The following APLP2 variants were observed in gnomAD, a reference collection of about 807,000 sequenced individuals.
The protein encoded by APLP2 is CDEI box-binding protein.
Under a neutral mutation model 89.9 loss-of-function variants are expected in APLP2, and 53 were observed. That is an observed-to-expected ratio of 0.59 (90% CI 0.47 to 0.74). The LOEUF (loss-of-function observed/expected upper bound fraction) is 0.74, where lower values mean the gene tolerates loss of function less well. Ranked by LOEUF, APLP2 falls within the 30% of genes least tolerant of loss-of-function variation. The pLI is 0.00. For synonymous variants in APLP2, 372 were observed against 348.6 expected, an observed-to-expected ratio of 1.07 and a Z score of -0.75; for missense variants, 973 against 975.9, an observed-to-expected ratio of 1.00 and a Z score of 0.04.
chr11:130,091,256 GC>G (rs1945071319), intron 1 of APLP2, among the ~76,000 whole-genome samples: 1 of 135,648 alleles, frequency 7.4e-6, no homozygotes, highest in Non-Finnish European at 1.6e-5. Flanking sequence ...GGGGCGGCTG[GC>G]CGGGCGGGGG....
At chr11:130,088,949 C>T (rs543489321) in intron 1 of APLP2, among the ~76,000 whole-genome samples, 1 of 152,188 alleles carries the variant, frequency 6.6e-6, no homozygotes, top group South Asian at 2.1e-4. Context: ...GAATGCCCAT[C>T]CTCTATTTTT....
intron 1 of APLP2, chr11:130,070,670 C>T (rs1021030252): frequency 4.5e-5 from 66 of 1,478,436 alleles, no homozygotes; most frequent in Non-Finnish European, 5.6e-5. Context: ...CCTCTGCCGC[C>T]TGGGGCCGGG....
chr11:130,132,619 T>TTTA (rs1555144886), intron 11 of APLP2, among the ~76,000 whole-genome samples: 8,499 of 137,570 alleles, frequency 0.062, 832 homozygotes, highest in African/African-American at 0.22. Context: ...TTTTTTTTTT[T>TTTA]AAATAATGAA....
intron 1 of APLP2, among the ~76,000 whole-genome samples, chr11:130,073,569 G>T (rs1236989484): frequency 6.6e-6 from 1 of 152,264 alleles, no homozygotes; most frequent in South Asian, 2.1e-4. Context: ...ATCACCAGGC[G>T]CGGTGGCTCA....
At chr11:130,072,243 T>C (rs189014475) in intron 1 of APLP2, among the ~76,000 whole-genome samples, 1 of 152,304 alleles carries the variant, frequency 6.6e-6, no homozygotes, top group African/African-American at 2.4e-5. Context: ...CCGCATACTG[T>C]GCAGTGGATG....
intron 10 of APLP2, 42 bp from the exon 11 acceptor site, chr11:130,129,996 T>G: frequency 1.3e-6 from 2 of 1,598,290 alleles, no homozygotes; most frequent in Non-Finnish European, 1.7e-6. Flanking sequence ...TATTTTCAAT[T>G]CTCTAGTCTC....
intron 3 of APLP2, among the ~76,000 whole-genome samples, chr11:130,119,444 G>C (rs914693912): frequency 1.3e-5 from 2 of 152,158 alleles, no homozygotes; most frequent in Non-Finnish European, 2.9e-5. Flanking sequence ...GGCCAAACAA[G>C]AGACGATGAT....
At chr11:130,070,459 CGCGGCTGGGCTTTCTCCAGGG>C (rs1940754049) in intron 1 of APLP2, 6 of 996,012 alleles carry the variant, frequency 6.0e-6, no homozygotes, top group Middle Eastern at 3.8e-4. Context: ...CGCCGGAGTC[CGCGGCTGGGCTTTCTCCAGGG>C]GCGGCCCCGC....
At chr11:130,080,797 C>T (rs1173596367) in intron 1 of APLP2, among the ~76,000 whole-genome samples, 2 of 150,266 alleles carry the variant, frequency 1.3e-5, no homozygotes, top group Non-Finnish European at 3.0e-5. Flanking sequence ...CCCGGGTTCA[C>T]GCCATTCTCC....
Position 130,123,677 on chromosome 11 carries a change from C to T in APLP2, c.988C>T (p.Leu330Phe). 1 of 1,614,286 alleles carries T rather than the reference C, an allele frequency of 6.2e-7. No individual in the cohort carries two copies. The highest frequency in any genetic ancestry group is 1.1e-5 in the South Asian group (1 of 91,092). Residue 330 changes from leucine to phenylalanine, a missense_variant, in exon 7 of 17, where the codon CTC (leucine) becomes TTC (phenylalanine). Physicochemically the swap from Leu to Phe is conservative, Grantham distance 22. Coordinates refer to ENST00000338167, the MANE Select transcript of APLP2 (RefSeq NM_001142276.2). This position sits in a 1 kb window ranked among gnomAD's most constrained non-coding sequence, Gnocchi z 4.0. Reference protein sequence around the residue: ...RAVMPRWYFDLSKGKCVRFIY... With the variant: ...RAVMPRWYFDFSKGKCVRFIY... The stretch of plus-strand genomic sequence containing the variant: ...CGTGATGCCTCGTTGGTACTTCGAC[C>T]TCTCCAAGGGAAAGTGCGTGCGCTT...
rs945106445 is a variant in APLP2, at chr11:130,077,562, C to T, written c.105+7480C>T. 2.0e-5 allele frequency among the ~76,000 whole-genome samples: 3 copies of T among 151,474 alleles called. No individual in the cohort carries two copies. In the South Asian group the frequency reaches 6.2e-4, roughly 32 times the overall value. ...AACATGTAAAACAGACCCTTATGTC[C>T]AGCCCCCAGTTTTGTTGAATCTTAA... is the stretch of plus-strand genomic sequence containing the variant. On this transcript the variant is annotated intron_variant, in intron 1 of 16. Coordinates refer to ENST00000338167, the MANE Select transcript of APLP2 (RefSeq NM_001142276.2).
chr11:130,070,116 C>T (rs767785252), intron 1 of APLP2, 34 bp downstream of exon 1: 1 of 1,304,082 alleles, frequency 7.7e-7, no homozygotes, highest in South Asian at 1.9e-5. Context: ...GAGTCGTCTC[C>T]TTCGCCCGCC....
intron 1 of APLP2, among the ~76,000 whole-genome samples, chr11:130,096,181 C>A (rs1007983472): frequency 6.6e-6 from 1 of 152,186 alleles, no homozygotes; most frequent in South Asian, 2.1e-4. Flanking sequence ...TCATCCTCAA[C>A]AAGAGAGGAC....
At chr11:130,088,216 C>T (rs1944403251) in intron 1 of APLP2, among the ~76,000 whole-genome samples, 1 of 152,052 alleles carries the variant, frequency 6.6e-6, no homozygotes, top group African/African-American at 2.4e-5. Context: ...TGTAAGTCAT[C>T]AAAGGAAGGA....
At chr11:130,106,869 AG>A (rs1947850605) in intron 1 of APLP2, among the ~76,000 whole-genome samples, 1 of 152,024 alleles carries the variant, frequency 6.6e-6, no homozygotes. Flanking sequence ...GTGTATTTTT[AG>A]TAGGGACGGG....
At chr11:130,078,670 T>G (rs2135381709) in intron 1 of APLP2, among the ~76,000 whole-genome samples, 1 of 152,298 alleles carries the variant, frequency 6.6e-6, no homozygotes, top group East Asian at 1.9e-4. Flanking sequence ...ATTTCATTTC[T>G]GTTTTTTTCC....
chr11:130,070,785 G>A, intron 1 of APLP2: 1 of 1,352,824 alleles, frequency 7.4e-7, no homozygotes, highest in Non-Finnish European at 9.6e-7. Context: ...CAGTGAGTAG[G>A]GAAGGTGCCC....
intron 1 of APLP2, among the ~76,000 whole-genome samples, chr11:130,096,602 C>G (rs1201852010): frequency 6.6e-6 from 1 of 152,188 alleles, no homozygotes; most frequent in Non-Finnish European, 1.5e-5. Context: ...TCTGTGGTCT[C>G]AGCTCCTCAG....
chr11:130,131,092 C>T (rs1464037236), intron 11 of APLP2, among the ~76,000 whole-genome samples: 1 of 152,176 alleles, frequency 6.6e-6, no homozygotes, highest in Admixed American at 6.5e-5. Flanking sequence ...AGGTGAAGAG[C>T]AGGTGTTTTT....
Sources: allele counts gnomAD v4.1 joint callset (sites outside exome capture counted in the v4.1 genomes callset), GRCh38; gene constraint gnomAD v4.1.1; non-coding constraint Gnocchi (gnomAD v3.1); transcripts MANE v1.5; gene names NCBI Gene and HGNC (gene_info 2026-07-23, HGNC 2026-07-21).